Variants in MDGA2 observed in about 807,000 individuals in gnomAD.
MDGA2 encodes the protein MAM domain-containing glycosylphosphatidylinositol anchor protein 2.
Under a neutral mutation model 117.8 loss-of-function variants are expected in MDGA2, and 40 were observed. The observed-to-expected ratio is 0.34, with a 90% CI of 0.26 to 0.44. The LOEUF is 0.44. Ranked by LOEUF, MDGA2 falls within the 20% of genes least tolerant of loss-of-function variation. MDGA2 has a pLI of 1.00. For missense variants in MDGA2, 1,123 were observed against 1,250.6 expected (o/e 0.90, Z 1.54); for synonymous variants, 452 against 439.0 (o/e 1.03, Z -0.37).
chr14:46,972,114 G>A (rs1886292559), intron 8 of MDGA2, among the ~76,000 whole-genome samples: 1 of 152,124 alleles, frequency 6.6e-6, no homozygotes, highest in Admixed American at 6.6e-5. Flanking sequence ...ATGGCAAACA[G>A]GGATTTGTAA....
At chr14:47,427,429 A>C (rs961159657) in intron 1 of MDGA2, among the ~76,000 whole-genome samples, 2 of 152,156 alleles carry the variant, frequency 1.3e-5, no homozygotes, top group Non-Finnish European at 2.9e-5. Flanking sequence ...TTTCAACACT[A>C]TTCTAAATAT....
chr14:46,892,745 G>C (rs550771118), intron 10 of MDGA2, among the ~76,000 whole-genome samples: 1 of 151,964 alleles, frequency 6.6e-6, no homozygotes, highest in East Asian at 1.9e-4. Context: ...TCAACAGGTA[G>C]ATGAAAAGGT....
chr14:47,617,255 G>A (rs1384672413), intron 1 of MDGA2, among the ~76,000 whole-genome samples: 2 of 151,706 alleles, frequency 1.3e-5, no homozygotes, highest in African/African-American at 4.8e-5. Context: ...GCCTAGGCTG[G>A]AGTGCAGTGG....
chr14:47,422,498 G>T (rs1040002127), intron 1 of MDGA2, among the ~76,000 whole-genome samples: 19 of 152,080 alleles, frequency 1.2e-4, no homozygotes, highest in Admixed American at 9.8e-4. Context: ...TTCAAGCTAA[G>T]AACCATTTAA....
At chr14:47,251,450 C>T (rs1283715476) in intron 2 of MDGA2, among the ~76,000 whole-genome samples, 1 of 151,250 alleles carries the variant, frequency 6.6e-6, no homozygotes, top group African/African-American at 2.4e-5. Context: ...ACAGTGTAAG[C>T]ACTTTATTAT....
At chr14:47,643,920 C>G (rs1897475725) in intron 1 of MDGA2, among the ~76,000 whole-genome samples, 1 of 152,088 alleles carries the variant, frequency 6.6e-6, no homozygotes, top group African/African-American at 2.4e-5. Context: ...TTACTGAGCA[C>G]TCTCCTTGTT....
chr14:47,416,126 T>A (rs991539075), intron 1 of MDGA2, among the ~76,000 whole-genome samples: 6 of 152,064 alleles, frequency 3.9e-5, no homozygotes, highest in African/African-American at 1.4e-4. Flanking sequence ...CAAACCTAAG[T>A]TTAGAGTCTC....
At chr14:46,903,684 G>T (rs1371322238) in intron 10 of MDGA2, among the ~76,000 whole-genome samples, 1 of 151,824 alleles carries the variant, frequency 6.6e-6, no homozygotes, top group Non-Finnish European at 1.5e-5. Context: ...GTTAATATTA[G>T]TCTAATATAT....
At chr14:46,991,060 A>G (rs904429211) in intron 8 of MDGA2, among the ~76,000 whole-genome samples, 32 of 152,128 alleles carry the variant, frequency 2.1e-4, no homozygotes, top group Non-Finnish European at 4.4e-4. Flanking sequence ...TCAATATGAA[A>G]TAAGTAGTGG....
chr14:47,105,126 C>T (rs1163501547), intron 5 of MDGA2, among the ~76,000 whole-genome samples: 1 of 151,962 alleles, frequency 6.6e-6, no homozygotes, highest in Non-Finnish European at 1.5e-5. Flanking sequence ...TGGTCCTTCA[C>T]CCTTAGCGGC....
intron 1 of MDGA2, among the ~76,000 whole-genome samples, chr14:47,373,140 A>T (rs1360983750): frequency 6.6e-6 from 1 of 152,086 alleles, no homozygotes; most frequent in Non-Finnish European, 1.5e-5. Context: ...CTAGGCTATT[A>T]TCTTTGATCA....
chr14:46,992,087 T>A (rs896127260), intron 8 of MDGA2, among the ~76,000 whole-genome samples: 1 of 152,050 alleles, frequency 6.6e-6, no homozygotes, highest in African/African-American at 2.4e-5. Context: ...TGTCAAAAGA[T>A]CAAAACTAGC....
At chr14:47,263,267 G>A (rs1405177915) in intron 2 of MDGA2, among the ~76,000 whole-genome samples, 2 of 152,008 alleles carry the variant, frequency 1.3e-5, no homozygotes, top group African/African-American at 4.8e-5. Flanking sequence ...AGTTAGGCAC[G>A]TGGATTCAAA....
rs182829701 is a variant in MDGA2 at position 46,966,160 on chromosome 14, C to A, written c.1820-8517G>T. Among the ~76,000 whole-genome samples the A allele has an allele frequency of 3.7e-3, 556 of 152,174 alleles. 2 individuals carry two copies. The highest frequency in any genetic ancestry group is 0.013 in the African/African-American group (532 of 41,514). Reference sequence around the variant, plus strand: ...TAGATACTGTGTTAAGATATTCACACAGATTATCTTTTTATAACAATAACC... The same window carrying A: ...TAGATACTGTGTTAAGATATTCACAAAGATTATCTTTTTATAACAATAACC... On this transcript the variant is annotated intron_variant, in intron 8 of 16. Transcript: ENST00000399232.
intron 1 of MDGA2, among the ~76,000 whole-genome samples, chr14:47,529,355 G>C (rs988735797): frequency 6.6e-6 from 1 of 151,924 alleles, no homozygotes; most frequent in African/African-American, 2.4e-5. Flanking sequence ...TTTTAATTTT[G>C]TGAGTACATA....
intron 1 of MDGA2, among the ~76,000 whole-genome samples, chr14:47,552,205 C>G (rs1312531015): frequency 6.6e-6 from 1 of 152,196 alleles, no homozygotes; most frequent in East Asian, 1.9e-4. Context: ...AGCACTCACT[C>G]TGCCAGAGAT....
intron 2 of MDGA2, among the ~76,000 whole-genome samples, chr14:47,271,845 T>C (rs1288377246): frequency 6.6e-6 from 1 of 152,198 alleles, no homozygotes; most frequent in African/African-American, 2.4e-5. Flanking sequence ...TTCTCAATTG[T>C]GGTGACCAAA....
At chr14:47,175,256 T>A (rs892976209) in intron 3 of MDGA2, among the ~76,000 whole-genome samples, 10 of 151,716 alleles carry the variant, frequency 6.6e-5, no homozygotes, top group African/African-American at 1.5e-4. Flanking sequence ...GTGAAACTAT[T>A]CCAATCAATA....
chr14:47,501,696 A>G (rs1042680610), intron 1 of MDGA2, among the ~76,000 whole-genome samples: 1 of 152,186 alleles, frequency 6.6e-6, no homozygotes, highest in Non-Finnish European at 1.5e-5. Context: ...AAAGATTGAC[A>G]CAAGTAAAAG....
Sources: allele counts gnomAD v4.1 joint callset (sites outside exome capture counted in the v4.1 genomes callset), GRCh38; gene constraint gnomAD v4.1.1; transcripts MANE v1.5; gene names NCBI Gene and HGNC (gene_info 2026-07-23, HGNC 2026-07-21).